Variants in MTUS2 observed in about 807,000 individuals in gnomAD.
MTUS2 encodes microtubule-associated tumor suppressor candidate 2.
In MTUS2, 40 loss-of-function variants were observed where a neutral mutation model predicts 114.1. The observed-to-expected ratio is 0.35, with a 90% CI of 0.27 to 0.46. The LOEUF is 0.46. MTUS2 is among the 20% of genes least tolerant of loss of function. The probability of loss-of-function intolerance (pLI) is 1.00; values close to 1 mark genes in which losing one functional copy is unlikely to be tolerated. For missense variants in MTUS2, 1,679 were observed against 1,705.4 expected (o/e 0.98, Z 0.27); for synonymous variants, 688 against 672.0 (o/e 1.02, Z -0.37).
intron 5 of MTUS2, among the ~76,000 whole-genome samples, chr13:29,228,404 A>G (rs4444183): frequency 0.78 from 118,691 of 151,510 alleles, 46,671 homozygotes; most frequent in East Asian, 0.89. Flanking sequence ...CACTGCAGCC[A>G]CAACCTCCTG....
chr13:29,102,110 A>AT (rs1223344488), intron 5 of MTUS2, among the ~76,000 whole-genome samples: 2 of 152,240 alleles, frequency 1.3e-5, no homozygotes, highest in Non-Finnish European at 2.9e-5. Flanking sequence ...TGATTACATC[A>AT]TTACACAGTA....
intron 2 of MTUS2, among the ~76,000 whole-genome samples, chr13:28,841,046 G>A (rs1420751049): frequency 1.3e-5 from 2 of 152,190 alleles, no homozygotes; most frequent in Non-Finnish European, 2.9e-5. Flanking sequence ...CCTGTGTGAT[G>A]TCCTTGTTCT....
At chr13:29,049,868 A>G (rs759953262) in intron 4 of MTUS2, among the ~76,000 whole-genome samples, 2 of 152,226 alleles carry the variant, frequency 1.3e-5, no homozygotes, top group African/African-American at 2.4e-5. Context: ...CTAAAATACA[A>G]GCAGCTCCGC....
rs1883195616 is a variant in MTUS2 at position 29,505,721 on chromosome 13, T to C, written c.*2515T>C. 4.4e-6 allele frequency: 1 copy of C among 229,420 alleles called. No individual in the cohort carries two copies. The allele number at this position is 229,420 out of a possible 1,614,324, so 14.2% of individuals were successfully genotyped here. On this transcript the variant is annotated 3_prime_UTR_variant, in exon 16 of 16. Transcript: ENST00000612955. ...CCACCAGATACCACCTGTCTCTTCG[T>C]GGCATTTGGGAGATGCGTGGGCGGC...
At chr13:28,849,695 G>A (rs759688492) in intron 2 of MTUS2, among the ~76,000 whole-genome samples, 1 of 151,904 alleles carries the variant, frequency 6.6e-6, no homozygotes, top group Non-Finnish European at 1.5e-5. Context: ...CTCTCTCACC[G>A]TTTTCCTGCT....
chr13:29,475,045 T>C (rs778618343), intron 9 of MTUS2, among the ~76,000 whole-genome samples: 6 of 152,328 alleles, frequency 3.9e-5, no homozygotes, highest in Non-Finnish European at 8.8e-5. Flanking sequence ...CATTTGAGTT[T>C]TATGTGCTCA....
chr13:29,085,944 T>G (rs913628009), intron 4 of MTUS2, among the ~76,000 whole-genome samples: 1 of 152,182 alleles, frequency 6.6e-6, no homozygotes, highest in African/African-American at 2.4e-5. Context: ...TGCCAAAATC[T>G]GTTATTTACT....
intron 5 of MTUS2, among the ~76,000 whole-genome samples, chr13:29,122,404 C>A (rs888304981): frequency 6.6e-6 from 1 of 152,130 alleles, no homozygotes; most frequent in Admixed American, 6.5e-5. Context: ...AAGCAAGCAC[C>A]GCCTCTTTCA....
intron 9 of MTUS2, among the ~76,000 whole-genome samples, chr13:29,469,625 T>C (rs1880125510): frequency 8.0e-6 from 1 of 125,174 alleles, no homozygotes. Flanking sequence ...AGACTATGTC[T>C]CAAAAAAAAA....
At chr13:29,454,590 CAG>C (rs71759022) in intron 9 of MTUS2, among the ~76,000 whole-genome samples, 2,948 of 152,216 alleles carry the variant, frequency 0.019, 81 homozygotes, top group African/African-American at 0.063. Context: ...GTTACCCAGT[CAG>C]GGGTCCAGAA....
rs535260826 is a variant in MTUS2 at position 29,382,674 on chromosome 13, G to T, written c.3117+23201G>T. On this transcript the variant is annotated intron_variant, in intron 8 of 15. Coordinates refer to ENST00000612955, the MANE Select transcript of MTUS2 (RefSeq NM_001033602.4). ...TGGCCAGCACATCTTGTCAACATTT[G>T]CTTTAAGAAGTCACTGAGCACCTGC... Among the ~76,000 whole-genome samples the T allele has an allele frequency of 3.4e-3, 522 of 152,296 alleles. 5 individuals are homozygous for T. The highest frequency in any genetic ancestry group is 0.012 in the African/African-American group (506 of 41,554).
At chr13:28,977,214 T>C (rs1171313309) in intron 2 of MTUS2, among the ~76,000 whole-genome samples, 1 of 152,202 alleles carries the variant, frequency 6.6e-6, no homozygotes, top group African/African-American at 2.4e-5. Flanking sequence ...TGAATTTAAG[T>C]ATGATTGATG....
intron 5 of MTUS2, among the ~76,000 whole-genome samples, chr13:29,182,982 G>T (rs1365558669): frequency 1.3e-5 from 2 of 152,146 alleles, no homozygotes; most frequent in South Asian, 2.1e-4. Context: ...AACAATCTAG[G>T]ATCTGGGACC....
intron 5 of MTUS2, among the ~76,000 whole-genome samples, chr13:29,248,343 A>G (rs1362300558): frequency 2.0e-5 from 3 of 152,248 alleles, no homozygotes; most frequent in Non-Finnish European, 2.9e-5. Flanking sequence ...AATCACCACT[A>G]AAGAACTTAT....
In MTUS2 at chr13:29,024,953, G is replaced by A; in HGVS notation, c.255G>A (p.Gly85=). ...AATTTCACCAACTTCAGGGCTTTGG[G>A]AAAGGCTCTCAGGCTGGCTCTGCCA... is the stretch of plus-strand genomic sequence containing the variant. The part of the protein sequence containing the change: ...HKEFHQLQGF[G]KGSQAGSASL... Residue 85 remains glycine (G), a synonymous_variant, in exon 3 of 16, where the codon GGG becomes GGA. Transcript: ENST00000612955. 1 of 1,613,774 alleles carries A rather than the reference G, an allele frequency of 6.2e-7. No homozygotes were observed.
intron 5 of MTUS2, among the ~76,000 whole-genome samples, chr13:29,157,221 T>A (rs989859268): frequency 2.0e-5 from 3 of 152,186 alleles, no homozygotes; most frequent in African/African-American, 7.2e-5. Context: ...CTAATGTTTC[T>A]CTAGGGCTAG....
At chr13:29,398,924 G>A (rs56260555) in intron 8 of MTUS2, among the ~76,000 whole-genome samples, 36,606 of 151,956 alleles carry the variant, frequency 0.24, 5,099 homozygotes, top group Admixed American at 0.33. Flanking sequence ...CAGGAAAGGG[G>A]TCTAGATCCC....
chr13:29,173,458 C>T (rs1893644247), intron 5 of MTUS2, among the ~76,000 whole-genome samples: 1 of 152,060 alleles, frequency 6.6e-6, no homozygotes, highest in Non-Finnish European at 1.5e-5. Flanking sequence ...ATTGGTTTAC[C>T]TTCACATTTC....
chr13:29,344,757 T>A (rs1363881538), intron 7 of MTUS2, among the ~76,000 whole-genome samples: 1 of 152,184 alleles, frequency 6.6e-6, no homozygotes, highest in Non-Finnish European at 1.5e-5. Context: ...TTATACATCC[T>A]GTGAGATTTA....
Sources: gnomAD v4.1 joint callset for allele counts (sites outside exome capture counted in the v4.1 genomes callset) on GRCh38, gnomAD v4.1.1 for gene constraint, MANE v1.5 for transcripts, NCBI Gene and HGNC (gene_info 2026-07-23, HGNC 2026-07-21) for gene names.